The following HIVEP3 variants were observed in gnomAD, a reference collection of about 807,000 sequenced individuals.
HIVEP3 encodes the protein transcription factor HIVEP3.
HIVEP3 carries 49 observed loss-of-function variants against 152.8 expected under a neutral mutation model. That is an observed-to-expected ratio of 0.32 (90% CI 0.26 to 0.41). The LOEUF (loss-of-function observed/expected upper bound fraction) is 0.41, where lower values mean the gene tolerates loss of function less well. HIVEP3 is among the 10% of genes least tolerant of loss of function. The pLI is 1.00. For synonymous variants in HIVEP3, 1,269 were observed against 1,289.0 expected (o/e 0.98, Z 0.33); for missense variants, 2,790 against 3,103.3 (o/e 0.90, Z 2.40).
chr1:41,546,174 C>G (rs1306089268), intron 5 of HIVEP3, among the ~76,000 whole-genome samples: 1 of 152,200 alleles, frequency 6.6e-6, no homozygotes, highest in Non-Finnish European at 1.5e-5. Flanking sequence ...GGAACAGGCT[C>G]AGTCCCTGGG....
intron 1 of HIVEP3, among the ~76,000 whole-genome samples, chr1:42,001,442 AC>A (rs2124523836): frequency 6.6e-6 from 1 of 152,298 alleles, no homozygotes; most frequent in African/African-American, 2.4e-5. Context: ...TCTGGAGATA[AC>A]CTCACTACAC....
intron 1 of HIVEP3, among the ~76,000 whole-genome samples, chr1:41,858,680 C>T (rs1425570155): frequency 6.6e-6 from 1 of 152,122 alleles, no homozygotes; most frequent in Non-Finnish European, 1.5e-5. Context: ...TACAATCCAG[C>T]GGGTGAAACA....
chr1:41,704,402 T>G (rs1210301116), intron 1 of HIVEP3, among the ~76,000 whole-genome samples: 1 of 152,238 alleles, frequency 6.6e-6, no homozygotes, highest in Non-Finnish European at 1.5e-5. Context: ...GGAAATGGGC[T>G]CCTGGGAAAG....
At chr1:41,782,649 T>C (rs1024954777) in intron 1 of HIVEP3, among the ~76,000 whole-genome samples, 1 of 151,124 alleles carries the variant, frequency 6.6e-6, no homozygotes. Context: ...GGAGAATCAC[T>C]TGAACCGGGG....
At chr1:41,883,700 C>G (rs975387248) in intron 1 of HIVEP3, among the ~76,000 whole-genome samples, 7 of 152,282 alleles carry the variant, frequency 4.6e-5, no homozygotes, top group African/African-American at 1.7e-4. Flanking sequence ...AATGTGATAG[C>G]AAGTTGCTGT....
chr1:41,952,371 T>C (rs1029025139), intron 1 of HIVEP3, among the ~76,000 whole-genome samples: 2 of 152,206 alleles, frequency 1.3e-5, no homozygotes, highest in Middle Eastern at 3.2e-3. Context: ...CTCCAAAATC[T>C]TCCTCAAATT....
intron 2 of HIVEP3, chr1:41,661,993 A>G (rs1645719787): frequency 6.6e-6 from 1 of 152,158 alleles, no homozygotes; most frequent in East Asian, 1.9e-4. Context: ...GCACCGACGC[A>G]CTACTGCAAG....
At chr1:41,603,983 C>T (rs1413497071) in intron 3 of HIVEP3, among the ~76,000 whole-genome samples, 1 of 152,200 alleles carries the variant, frequency 6.6e-6, no homozygotes, top group Non-Finnish European at 1.5e-5. Flanking sequence ...TTAATTAAAT[C>T]TACAACACAT....
In HIVEP3 at chr1:41,684,424, C is replaced by T. The variant is rs116223575; in HGVS notation, c.-721+16492G>A. 8.0e-3 allele frequency among the ~76,000 whole-genome samples: 1,226 copies of T among 152,352 alleles called. 16 individuals are homozygous for T. The highest frequency in any genetic ancestry group is 0.028 in the African/African-American group (1,159 of 41,568). On this transcript the variant is annotated intron_variant, in intron 2 of 8. Transcript: ENST00000372583. ...AGCTCACATGGCCTCTCCAGGGTCTCCAGCGACTCCCTGCTGTACAGTCCC... is the reference window on the plus strand; with the variant it reads ...AGCTCACATGGCCTCTCCAGGGTCTTCAGCGACTCCCTGCTGTACAGTCCC...
intron 5 of HIVEP3, among the ~76,000 whole-genome samples, chr1:41,528,338 C>G (rs1643085117): frequency 7.8e-6 from 1 of 127,972 alleles, no homozygotes; most frequent in African/African-American, 3.0e-5. Context: ...CACACTCACA[C>G]TCGCCCTCAC....
chr1:41,521,273 G>A (rs998991854), intron 6 of HIVEP3, among the ~76,000 whole-genome samples: 4 of 152,230 alleles, frequency 2.6e-5, no homozygotes, highest in African/African-American at 9.6e-5. Context: ...AGCAGCCCAG[G>A]GGCTCTGCCA....
At chr1:41,543,104 C>T (rs1399056232) in intron 5 of HIVEP3, 1 of 152,232 alleles carries the variant, frequency 6.6e-6, no homozygotes, top group East Asian at 1.9e-4. Flanking sequence ...AGTAGCCCCT[C>T]ACCTACCCGC....
chr1:41,620,926 C>A (rs182096739), intron 3 of HIVEP3, among the ~76,000 whole-genome samples: 1 of 152,178 alleles, frequency 6.6e-6, no homozygotes, highest in African/African-American at 2.4e-5. Flanking sequence ...CTTCCACCTG[C>A]GGCACCTCGA....
chr1:42,027,123 T>G (rs1645586689), intron 1 of HIVEP3, among the ~76,000 whole-genome samples: 1 of 152,234 alleles, frequency 6.6e-6, no homozygotes, highest in East Asian at 1.9e-4. Context: ...GGAAGACAAG[T>G]TGAAATGCCA....
intron 3 of HIVEP3, among the ~76,000 whole-genome samples, chr1:41,586,352 C>T (rs1314028270): frequency 2.6e-5 from 4 of 152,198 alleles, no homozygotes; most frequent in Non-Finnish European, 5.9e-5. Flanking sequence ...CACCCAACCA[C>T]CTGACTTTGG....
At chr1:41,985,219 T>A (rs191646352) in intron 1 of HIVEP3, among the ~76,000 whole-genome samples, 1 of 152,244 alleles carries the variant, frequency 6.6e-6, no homozygotes, top group African/African-American at 2.4e-5. Flanking sequence ...GTGAGCAAGA[T>A]GACAGTACCA....
At chr1:41,592,355 C>T (rs1644600291) in intron 3 of HIVEP3, among the ~76,000 whole-genome samples, 1 of 152,210 alleles carries the variant, frequency 6.6e-6, no homozygotes, top group African/African-American at 2.4e-5. Flanking sequence ...ATCTCAAGAT[C>T]ACTTCCTTTC....
At chr1:41,676,406 A>T (rs1442901894) in intron 2 of HIVEP3, among the ~76,000 whole-genome samples, 1 of 152,174 alleles carries the variant, frequency 6.6e-6, no homozygotes, top group African/African-American at 2.4e-5. Context: ...TGGCGGGGAC[A>T]GTTTCCTCCC....
intron 1 of HIVEP3, among the ~76,000 whole-genome samples, chr1:42,016,025 T>C (rs1233690582): frequency 2.0e-5 from 3 of 152,246 alleles, no homozygotes; most frequent in African/African-American, 7.2e-5. Context: ...AAGGGGCCTT[T>C]GGCTAGTTAC....
Sources: allele counts gnomAD v4.1 joint callset (sites outside exome capture counted in the v4.1 genomes callset), GRCh38; gene constraint gnomAD v4.1.1; transcripts MANE v1.5; gene names NCBI Gene and HGNC (gene_info 2026-07-23, HGNC 2026-07-21).